The following NR2C1 variants were observed in gnomAD, a reference collection of about 807,000 sequenced individuals.
NR2C1 encodes TR2 nuclear hormone receptor.
In NR2C1, 33 loss-of-function variants were observed where a neutral mutation model predicts 74.8. That is an observed-to-expected ratio of 0.44 (90% CI 0.33 to 0.59). NR2C1 has a LOEUF of 0.59. NR2C1 is among the 20% of genes least tolerant of loss of function. The probability of loss-of-function intolerance (pLI) is 0.02; values close to 1 mark genes in which losing one functional copy is unlikely to be tolerated. For missense variants in NR2C1, 568 were observed against 715.6 expected, an observed-to-expected ratio of 0.79 and a Z score of 2.35; for synonymous variants, 225 against 240.6, an observed-to-expected ratio of 0.94 and a Z score of 0.60.
At chr12:95,055,227 C>T (rs551002615) in intron 7 of NR2C1, among the ~76,000 whole-genome samples, 10 of 152,320 alleles carry the variant, frequency 6.6e-5, no homozygotes, top group Non-Finnish European at 1.0e-4. Context: ...GCTTACCATA[C>T]GGTTGTCATA....
chr12:95,062,468 T>A lies in NR2C1; in HGVS notation c.285+40A>T, dbSNP rs564334310. 311 of 1,393,786 alleles carry A rather than the reference T, an allele frequency of 2.2e-4. 2 individuals are homozygous for A. The South Asian group carries it at 3.9e-3, about 18-fold the overall frequency. 86.3% of individuals were successfully genotyped at this position (1,393,786 alleles called of 1,614,324 possible). The stretch of plus-strand genomic sequence containing the variant: ...GGGCTTATGATTAAAATTTTTTTTT[T>A]ATATATGTAAGAGGAAAAGACACTT... On this transcript the variant is annotated intron_variant, in intron 3 of 13. Coordinates refer to ENST00000333003, the MANE Select transcript of NR2C1 (RefSeq NM_003297.4).
chr12:95,052,603 G>A (rs1459347135), intron 7 of NR2C1, among the ~76,000 whole-genome samples: 1 of 151,888 alleles, frequency 6.6e-6, no homozygotes, highest in African/African-American at 2.4e-5. Flanking sequence ...CTACAGGTGT[G>A]CACTGCTATG....
chr12:95,057,324 T>C (rs1419729117), intron 7 of NR2C1, among the ~76,000 whole-genome samples: 1 of 151,716 alleles, frequency 6.6e-6, no homozygotes, highest in Non-Finnish European at 1.5e-5. Flanking sequence ...AGGCTGGTCT[T>C]GAACTTCTGA....
intron 12 of NR2C1, chr12:95,026,988 T>TA (rs760679974): frequency 6.6e-6 from 1 of 152,140 alleles, no homozygotes; most frequent in Non-Finnish European, 1.5e-5. Context: ...TAGTAATGCC[T>TA]AAAAAAATAC....
chr12:95,059,839 CAACA>C lies in NR2C1; in HGVS notation c.364+63_364+66del, dbSNP rs1592782086. The stretch of plus-strand genomic sequence containing the variant: ...AAACATGGTAGTGTGGTAGTTATTT[CAACA>C]ACACGACACATATAGGAGGTTATTT... On this transcript the variant is annotated intron_variant, in intron 4 of 13. Coordinates refer to ENST00000333003, the MANE Select transcript of NR2C1 (RefSeq NM_003297.4). 5 of 1,139,962 alleles carry C rather than the reference CAACA, an allele frequency of 4.4e-6. No individual in the cohort carries two copies. In the East Asian group the frequency reaches 1.2e-4, roughly 27 times the overall value. 70.6% of individuals were successfully genotyped at this position (1,139,962 alleles called of 1,614,324 possible).
At chr12:95,050,188 A>G (rs1356826368) in intron 8 of NR2C1, among the ~76,000 whole-genome samples, 2 of 152,192 alleles carry the variant, frequency 1.3e-5, no homozygotes, top group African/African-American at 4.8e-5. Flanking sequence ...ATGTTAGCAA[A>G]TAATTACTCA....
chr12:95,055,745 C>T (rs1050329281), intron 7 of NR2C1, among the ~76,000 whole-genome samples: 8 of 151,290 alleles, frequency 5.3e-5, no homozygotes, highest in African/African-American at 9.7e-5. Flanking sequence ...TGAGGTCAGG[C>T]GATTGAGACC....
chr12:95,056,696 C>T (rs1413632135), intron 7 of NR2C1, among the ~76,000 whole-genome samples: 8 of 152,276 alleles, frequency 5.3e-5, no homozygotes, highest in South Asian at 4.1e-4. Context: ...TGCTGGCTCA[C>T]GCCTGTAATC....
rs573156402 is a variant in NR2C1, at chr12:95,050,592, C to T, written c.965+1170G>A. On this transcript the variant is annotated intron_variant, in intron 8 of 13. Transcript: ENST00000333003. Reference sequence around the variant, plus strand: ...CTAAAGTGGTAGGATTACAGGCATACGCCACCGTGCCCGGCCAATTCAGCG... The same window carrying T: ...CTAAAGTGGTAGGATTACAGGCATATGCCACCGTGCCCGGCCAATTCAGCG... Among the ~76,000 whole-genome samples, 9 of 152,024 alleles carry T rather than the reference C, an allele frequency of 5.9e-5. 1 individual carries two copies. The South Asian group carries it at 1.0e-3, about 18-fold the overall frequency.
At chr12:95,022,452 A>G (rs766223024) in intron 13 of NR2C1, 49 bp from the exon 14 acceptor site, 1 of 1,423,964 alleles carries the variant, frequency 7.0e-7, no homozygotes, top group African/African-American at 1.5e-5. Flanking sequence ...TAAACCAGAA[A>G]GAAATTTAGT....
Position 95,030,617 on chromosome 12 carries a change from G to C in NR2C1, c.1393+732C>G, listed in dbSNP as rs768618074. ...TCTATTTTTGATGACATTTTAAGGT[G>C]ATTACCCCTCTGCTGTTAAACATAA... is the stretch of plus-strand genomic sequence containing the variant. On this transcript the variant is annotated intron_variant, in intron 11 of 13. Coordinates refer to ENST00000333003, the MANE Select transcript of NR2C1 (RefSeq NM_003297.4). The C allele has an allele frequency of 6.2e-6, 10 of 1,613,116 alleles. No homozygotes were observed. In the African/African-American group the frequency reaches 1.3e-4, roughly 22 times the overall value.
chr12:95,056,542 A>C (rs1010563473), intron 7 of NR2C1, among the ~76,000 whole-genome samples: 1 of 152,206 alleles, frequency 6.6e-6, no homozygotes, highest in Non-Finnish European at 1.5e-5. Flanking sequence ...ACTCAAGTAA[A>C]TATTTTGATG....
chr12:95,062,888 C>A, intron 2 of NR2C1, 150 bp from the exon 3 acceptor site: 1 of 634,876 alleles, frequency 1.6e-6, no homozygotes, highest in Non-Finnish European at 2.7e-6. Context: ...AAATTCTATC[C>A]TACAGAAATA....
intron 7 of NR2C1, among the ~76,000 whole-genome samples, chr12:95,053,784 C>T (rs978211539): frequency 1.4e-5 from 2 of 147,794 alleles, no homozygotes; most frequent in Non-Finnish European, 3.0e-5. Flanking sequence ...CCTGGGTTCA[C>T]GCCATTCTCC....
chr12:95,059,823 AGT>A, intron 4 of NR2C1, 81 bp downstream of exon 4: 1 of 882,962 alleles, frequency 1.1e-6, no homozygotes, highest in East Asian at 2.6e-5. Flanking sequence ...GAAACATGGT[AGT>A]GTGGTAGTTA....
intron 3 of NR2C1, 81 bp from the exon 4 acceptor site, chr12:95,060,065 A>G: frequency 8.8e-7 from 1 of 1,134,130 alleles, no homozygotes; most frequent in Non-Finnish European, 1.2e-6. Flanking sequence ...TAAAAAAATT[A>G]AAGAACATTC....
intron 2 of NR2C1, among the ~76,000 whole-genome samples, chr12:95,063,685 AAG>A (rs1491055274): frequency 5.3e-4 from 81 of 151,532 alleles, no homozygotes; most frequent in African/African-American, 2.0e-3. Context: ...AAAAAAAAAA[AAG>A]AAGTATAAAA....
chr12:95,032,634 G>A (rs1304676522), intron 10 of NR2C1, among the ~76,000 whole-genome samples: 2 of 152,098 alleles, frequency 1.3e-5, no homozygotes, highest in Admixed American at 6.6e-5. Flanking sequence ...GACACTATAC[G>A]TCCTATATCT....
At chr12:95,028,650 G>A in intron 11 of NR2C1, 126 bp from the exon 12 acceptor site, 1 of 681,136 alleles carries the variant, frequency 1.5e-6, no homozygotes, top group Non-Finnish European at 2.5e-6. Context: ...TTGAGACAGG[G>A]TTTTACTCCT....
Sources: allele counts gnomAD v4.1 joint callset (sites outside exome capture counted in the v4.1 genomes callset), GRCh38; gene constraint gnomAD v4.1.1; transcripts MANE v1.5; gene names NCBI Gene and HGNC (gene_info 2026-07-23, HGNC 2026-07-21).